CERS3: variants seen among roughly 807,000 people sequenced by gnomAD.
The protein encoded by CERS3 is LAG1 homolog, ceramide synthase 3.
A neutral mutation model predicts 50.3 loss-of-function variants in CERS3; 33 were observed. The ratio of observed to expected loss-of-function variants is 0.66; its 90% CI spans 0.50 to 0.88. The LOEUF is 0.88. Among genes scored for constraint, CERS3 ranks in the 40% least tolerant of loss-of-function variants. The pLI, the probability that CERS3 is intolerant of heterozygous loss-of-function variation, is 0.00. For missense variants in CERS3, 470 were observed against 460.3 expected (o/e 1.02, Z -0.19); for synonymous variants, 176 against 155.2 (o/e 1.13, Z -0.99).
At chr15:100,533,166 TC>T (rs1249698394), upstream of CERS3, among the ~76,000 whole-genome samples, 1 of 152,190 alleles carries the variant, frequency 6.6e-6, no homozygotes, top group South Asian at 2.1e-4. Flanking sequence ...ACAACTGCTT[TC>T]CTGCATCCAG....
chr15:100,485,777 T>G (rs1216153072), intron 4 of CERS3, among the ~76,000 whole-genome samples: 2 of 152,152 alleles, frequency 1.3e-5, no homozygotes, highest in African/African-American at 4.8e-5. Flanking sequence ...GGCAGGAGAC[T>G]TGCTGGAATC....
intron 11 of CERS3, among the ~76,000 whole-genome samples, chr15:100,442,035 C>T (rs1176584929): frequency 6.6e-6 from 1 of 152,184 alleles, no homozygotes; most frequent in East Asian, 1.9e-4. Context: ...CCCAGGCCGG[C>T]TTACAGTTTT....
At chr15:100,416,085 A>G (rs1467020543) in intron 11 of CERS3, among the ~76,000 whole-genome samples, 1 of 152,082 alleles carries the variant, frequency 6.6e-6, no homozygotes, top group African/African-American at 2.4e-5. Flanking sequence ...TAGATTCAAT[A>G]CCATTCTTAT....
At chr15:100,469,654 T>G (rs890781915) in intron 9 of CERS3, among the ~76,000 whole-genome samples, 170 bp from the exon 10 acceptor site, 3 of 152,234 alleles carry the variant, frequency 2.0e-5, no homozygotes, top group African/African-American at 7.2e-5. Flanking sequence ...TATTGATAAC[T>G]GCTAAAGCTG....
At chr15:100,531,387 A>T (rs1256278264), upstream of CERS3, among the ~76,000 whole-genome samples, 1 of 152,116 alleles carries the variant, frequency 6.6e-6, no homozygotes, top group African/African-American at 2.4e-5. Flanking sequence ...AGGAACTCGG[A>T]GGGTTTGCTG....
intron 10 of CERS3, among the ~76,000 whole-genome samples, chr15:100,466,377 G>A (rs951564751): frequency 6.6e-6 from 1 of 152,206 alleles, no homozygotes; most frequent in Admixed American, 6.5e-5. Context: ...TGGACCTAGA[G>A]CTTCCATGGT....
intron 11 of CERS3, among the ~76,000 whole-genome samples, chr15:100,409,624 C>CT (rs1323209218): frequency 6.6e-6 from 1 of 152,170 alleles, no homozygotes; most frequent in African/African-American, 2.4e-5. Context: ...GAAACTCTAC[C>CT]TGTCTGCTTT....
At chr15:100,451,110 T>G (rs1346069457) in intron 11 of CERS3, among the ~76,000 whole-genome samples, 1 of 151,532 alleles carries the variant, frequency 6.6e-6, no homozygotes, top group Admixed American at 6.6e-5. Flanking sequence ...AACAGAAAAG[T>G]ATAAAACATA....
At chr15:100,467,848 TATATAG>T (rs1226852418) in intron 10 of CERS3, among the ~76,000 whole-genome samples, 2 of 81,002 alleles carry the variant, frequency 2.5e-5, no homozygotes, top group South Asian at 4.2e-4. Flanking sequence ...TATATATATA[TATATAG>T]ATAGATAGAT....
intron 11 of CERS3, among the ~76,000 whole-genome samples, chr15:100,408,221 AG>A (rs2031212006): frequency 6.6e-6 from 1 of 152,220 alleles, no homozygotes; most frequent in African/African-American, 2.4e-5. Flanking sequence ...ATGTGTGGGT[AG>A]TCCTGGAACC....
chr15:100,503,843 C>T lies in CERS3; in HGVS notation c.-1-1993G>A, dbSNP rs112203254. On this transcript the variant is annotated intron_variant, in intron 2 of 11. Coordinates refer to ENST00000679737, the MANE Select transcript of CERS3 (RefSeq NM_001378789.1). ...GAGCAGTGGGGACCAGAGGGAATAA[C>T]GCCATCTGTGGGATGCAAATCGGGT... 2.4e-3 allele frequency: 1,051 copies of T among 438,954 alleles called. 9 individuals carry two copies. Among genetic ancestry groups the T allele is most frequent in the African/African-American group, 0.014 (687 of 49,682 alleles). The allele number at this position is 438,954 out of a possible 1,614,324, so 27.2% of individuals were successfully genotyped here. A position where few individuals can be genotyped will look rare whatever the true frequency, so the allele number is the denominator to read the frequency against.
At chr15:100,477,362 T>C (rs2035162876) in intron 7 of CERS3, among the ~76,000 whole-genome samples, 1 of 152,154 alleles carries the variant, frequency 6.6e-6, no homozygotes, top group Non-Finnish European at 1.5e-5. Flanking sequence ...CTCCTCATCC[T>C]TGATAAGGCC....
chr15:100,413,186 T>C (rs1042749574), intron 11 of CERS3, among the ~76,000 whole-genome samples: 1 of 152,192 alleles, frequency 6.6e-6, no homozygotes, highest in Admixed American at 6.5e-5. Flanking sequence ...ATATTTTACA[T>C]CCTTTAAAAA....
chr15:100,443,793 A>G (rs1041981942), intron 11 of CERS3, among the ~76,000 whole-genome samples: 3 of 152,082 alleles, frequency 2.0e-5, no homozygotes, highest in African/African-American at 7.2e-5. Flanking sequence ...AAACCCCAGC[A>G]CCTTCTACAA....
chr15:100,437,254 A>G (rs2033461563), intron 11 of CERS3, among the ~76,000 whole-genome samples: 1 of 152,120 alleles, frequency 6.6e-6, no homozygotes, highest in Admixed American at 6.6e-5. Context: ...CTACATTGAC[A>G]GCATTTCTAA....
chr15:100,403,597 A>G (rs769318540), intron 11 of CERS3, among the ~76,000 whole-genome samples: 4 of 152,342 alleles, frequency 2.6e-5, no homozygotes, highest in East Asian at 1.9e-4. Flanking sequence ...AAGAATAACA[A>G]CAGAATGCTA....
chr15:100,484,661 A>G lies in CERS3; in HGVS notation c.296T>C (p.Ile99Thr), dbSNP rs369847994. 1 of 1,611,514 alleles carries G rather than the reference A, an allele frequency of 6.2e-7. No homozygotes were observed. The highest frequency in any genetic ancestry group is 1.3e-5 in the African/African-American group (1 of 74,876). ...GTTACACTTCTTTGCCAGTCCATAA[A>G]TATCAGTCTGAAAAGGGATGAAACG... The part of the protein sequence containing the change: ...HSTRQPLQTD[I>T]YGLAKKCNLT... The change falls in exon 5 of 12, where the codon ATT becomes ACT. Residue 99 changes from isoleucine (I) to threonine (T), a missense_variant. By Grantham distance (89) the Ile-to-Thr change is moderately conservative. Coordinates refer to ENST00000679737, the MANE Select transcript of CERS3 (RefSeq NM_001378789.1).
chr15:100,460,327 A>C (rs1426048923), intron 10 of CERS3, among the ~76,000 whole-genome samples: 2 of 152,196 alleles, frequency 1.3e-5, no homozygotes, highest in Non-Finnish European at 2.9e-5. Context: ...CTGAGCACCT[A>C]CTAAAGTGCT....
intron 11 of CERS3, among the ~76,000 whole-genome samples, chr15:100,438,403 C>CAT (rs1414168517): frequency 6.6e-6 from 1 of 152,024 alleles, no homozygotes; most frequent in Non-Finnish European, 1.5e-5. Flanking sequence ...TAGGTGTATA[C>CAT]ATATATATAT....
Sources: gnomAD v4.1 joint callset for allele counts (sites outside exome capture counted in the v4.1 genomes callset) on GRCh38, gnomAD v4.1.1 for gene constraint, MANE v1.5 for transcripts, NCBI Gene and HGNC (gene_info 2026-07-23, HGNC 2026-07-21) for gene names.